PSMD1: variants seen among roughly 807,000 people sequenced by gnomAD.
PSMD1 encodes the protein 26S proteasome non-ATPase regulatory subunit 1.
A neutral mutation model predicts 119.0 loss-of-function variants in PSMD1; 18 were observed. The ratio of observed to expected loss-of-function variants is 0.15; its 90% CI spans 0.10 to 0.22. The LOEUF (loss-of-function observed/expected upper bound fraction) is 0.22. Ranked by LOEUF, PSMD1 falls within the 10% of genes least tolerant of loss-of-function variation. PSMD1 has a pLI of 1.00. For synonymous variants in PSMD1, 374 were observed against 396.6 expected (o/e 0.94, Z 0.68); for missense variants, 702 against 1,158.5 (o/e 0.61, Z 5.72).
intron 12 of PSMD1, among the ~76,000 whole-genome samples, chr2:231,080,952 G>C (rs1194795911): frequency 6.6e-6 from 1 of 152,046 alleles, no homozygotes; most frequent in East Asian, 1.9e-4. Flanking sequence ...AGACCAGCCT[G>C]GCCAACATGG....
At chr2:231,080,006 TGA>T in intron 11 of PSMD1, 133 bp from the exon 12 acceptor site, 5 of 711,066 alleles carry the variant, frequency 7.0e-6, no homozygotes, top group Non-Finnish European at 8.7e-6. Flanking sequence ...TACAATTATA[TGA>T]GAGAGAGCCC....
At chr2:231,158,498 T>A (rs1696561687) in intron 19 of PSMD1, among the ~76,000 whole-genome samples, 2 of 152,222 alleles carry the variant, frequency 1.3e-5, no homozygotes, top group Admixed American at 1.3e-4. Flanking sequence ...AAACTCTACC[T>A]TATTTATTAA....
intron 5 of PSMD1, among the ~76,000 whole-genome samples, chr2:231,069,184 G>GT (rs1693978118): frequency 6.7e-6 from 1 of 149,300 alleles, no homozygotes; most frequent in Non-Finnish European, 1.5e-5. Flanking sequence ...AATGAAAAAT[G>GT]TTTTAAAAAA....
At chr2:231,085,559 G>A (rs959140198) in intron 15 of PSMD1, among the ~76,000 whole-genome samples, 1 of 152,230 alleles carries the variant, frequency 6.6e-6, no homozygotes, top group African/African-American at 2.4e-5. Flanking sequence ...GGAAAGTGAA[G>A]TGGACAGTGA....
chr2:231,163,996 T>TA (rs549415388), intron 21 of PSMD1, among the ~76,000 whole-genome samples: 5 of 152,370 alleles, frequency 3.3e-5, no homozygotes, highest in African/African-American at 1.2e-4. Context: ...ATTCTCTACA[T>TA]ACTTTTCTGC....
At chr2:231,121,193 A>C (rs1695528712) in intron 16 of PSMD1, among the ~76,000 whole-genome samples, 1 of 152,158 alleles carries the variant, frequency 6.6e-6, no homozygotes, top group African/African-American at 2.4e-5. Context: ...TGATAGTAAA[A>C]GTGTTTGGGG....
At chr2:231,072,777 A>G (rs1694071420) in intron 7 of PSMD1, among the ~76,000 whole-genome samples, 1 of 152,184 alleles carries the variant, frequency 6.6e-6, no homozygotes. Context: ...AGTAAAGAAC[A>G]TTCTCAGCTT....
intron 24 of PSMD1, among the ~76,000 whole-genome samples, chr2:231,172,185 A>G (rs909644516): frequency 6.6e-6 from 1 of 152,176 alleles, no homozygotes; most frequent in African/African-American, 2.4e-5. Context: ...TATCATGATC[A>G]CTCAGTCTGT....
intron 23 of PSMD1, among the ~76,000 whole-genome samples, chr2:231,167,313 C>T (rs574251615): frequency 3.5e-4 from 53 of 152,178 alleles, no homozygotes; most frequent in Admixed American, 3.9e-4. Context: ...TGTATTAGGA[C>T]ACAACTAGAG....
intron 20 of PSMD1, 65 bp downstream of exon 20, chr2:231,161,574 C>A: frequency 1.4e-6 from 2 of 1,437,736 alleles, no homozygotes; most frequent in Admixed American, 4.4e-5. Context: ...ATATTTACCG[C>A]CCACTTGCAA....
At chr2:231,155,016 A>G (rs1696453971) in intron 19 of PSMD1, among the ~76,000 whole-genome samples, 1 of 152,234 alleles carries the variant, frequency 6.6e-6, no homozygotes, top group Non-Finnish European at 1.5e-5. Context: ...TTAGTTCCTT[A>G]GACTTGGAGT....
chr2:231,146,231 T>A lies in PSMD1; in HGVS notation c.1999-9T>A, dbSNP rs754893276. 9.4e-6 allele frequency: 15 copies of A among 1,593,302 alleles called. No individual in the cohort carries two copies. In the East Asian group the frequency reaches 3.1e-4, roughly 33 times the overall value. ...TTTAAAAGTTGTGTGTTTTTTTAAA[T>A]TCTTTCAGGAAGCCATTAATTTGCT... On this transcript the variant is annotated splice_polypyrimidine_tract_variant and intron_variant, in intron 17 of 24. Transcript: ENST00000308696.
intron 23 of PSMD1, among the ~76,000 whole-genome samples, chr2:231,168,995 C>T (rs992494220): frequency 6.6e-6 from 1 of 152,162 alleles, no homozygotes; most frequent in East Asian, 1.9e-4. Context: ...CCTATATCTA[C>T]AGTTGTAATT....
At chr2:231,139,558 TAAAAAAAAAAA>T (rs35924284) in intron 17 of PSMD1, among the ~76,000 whole-genome samples, 1 of 114,346 alleles carries the variant, frequency 8.7e-6, no homozygotes, top group Non-Finnish European at 1.7e-5. Flanking sequence ...ATTGATTTCT[TAAAAAAAAAAA>T]AAAAAAGAAG....
At chr2:231,058,429 T>C (rs753688698) in intron 1 of PSMD1, among the ~76,000 whole-genome samples, 14 of 152,226 alleles carry the variant, frequency 9.2e-5, no homozygotes, top group African/African-American at 3.1e-4. Flanking sequence ...AGTGCTTACA[T>C]TGTGTTTAGA....
At chr2:231,076,776 G>A (rs1466830565) in intron 8 of PSMD1, among the ~76,000 whole-genome samples, 1 of 152,148 alleles carries the variant, frequency 6.6e-6, no homozygotes. Flanking sequence ...TTTCCTGCGT[G>A]TTATCAGTAA....
chr2:231,142,700 G>A (rs1696154017), intron 17 of PSMD1, among the ~76,000 whole-genome samples: 1 of 151,964 alleles, frequency 6.6e-6, no homozygotes, highest in African/African-American at 2.4e-5. Context: ...GTTGTATTAT[G>A]TACCTCAAAG....
chr2:231,124,308 T>A (rs1222821931), intron 16 of PSMD1, among the ~76,000 whole-genome samples: 1 of 152,204 alleles, frequency 6.6e-6, no homozygotes, highest in African/African-American at 2.4e-5. Context: ...GAAGACACAT[T>A]AATTTTTTCA....
At chr2:231,057,147 T>C (rs961787267) in intron 1 of PSMD1, 106 bp downstream of exon 1, 52 of 1,361,798 alleles carry the variant, frequency 3.8e-5, no homozygotes, top group Non-Finnish European at 4.8e-5. Flanking sequence ...AACGCCGGCC[T>C]GGGCAGCTTC....
Sources: gnomAD v4.1 joint callset for allele counts (sites outside exome capture counted in the v4.1 genomes callset) on GRCh38, gnomAD v4.1.1 for gene constraint, MANE v1.5 for transcripts, NCBI Gene and HGNC (gene_info 2026-07-23, HGNC 2026-07-21) for gene names.